GRIP1: variants seen among roughly 807,000 people sequenced by gnomAD.
GRIP1 encodes glutamate receptor interacting protein 1, also known as glutamate receptor-interacting protein 1.
GRIP1 carries 45 observed loss-of-function variants against 129.9 expected under a neutral mutation model. The observed-to-expected ratio is 0.35, with a 90% CI of 0.27 to 0.44. The LOEUF (loss-of-function observed/expected upper bound fraction) is 0.44. GRIP1 is among the 20% of genes least tolerant of loss of function. The pLI, the probability that GRIP1 is intolerant of heterozygous loss-of-function variation, is 1.00. For synonymous variants in GRIP1, 530 were observed against 520.8 expected, an observed-to-expected ratio of 1.02 and a Z score of -0.24; for missense variants, 1,196 against 1,396.8, an observed-to-expected ratio of 0.86 and a Z score of 2.29.
At chr12:66,787,497 G>A (rs959025996) in intron 1 of GRIP1, among the ~76,000 whole-genome samples, 2 of 152,148 alleles carry the variant, frequency 1.3e-5, no homozygotes, top group African/African-American at 4.8e-5. Context: ...TTCATATGCT[G>A]AAATCCTAAA....
In GRIP1 at chr12:67,052,507, C is replaced by A. The variant is rs1241159209; in HGVS notation, c.58+16543G>T. 1.6e-4 allele frequency among the ~76,000 whole-genome samples: 25 copies of A among 152,238 alleles called. 1 individual carries two copies. Among genetic ancestry groups the A allele is most frequent in the Non-Finnish European group, 3.7e-4 (25 of 68,022 alleles). ...GGGCGCAGTGACTCATGCCTGTAAT[C>A]CCAGCATTTTGGGAGGCCGAGGCAG... On this transcript the variant is annotated intron_variant, in intron 1 of 1. Transcript: ENST00000643019.
In GRIP1 at chr12:66,864,132, G is replaced by A. The variant is rs188433211; in HGVS notation, c.58+204918C>T. 3.9e-5 allele frequency among the ~76,000 whole-genome samples: 6 copies of A among 152,072 alleles called. No individual in the cohort carries two copies. In the East Asian group the frequency reaches 7.8e-4, roughly 20 times the overall value. On this transcript the variant is annotated intron_variant, in intron 1 of 1. Coordinates refer to the GRIP1 transcript ENST00000643019. ...TAAGCACTTCACATGTGTGGATCCC[G>A]AGTGGATCTCATGGCTTCTCTTCCA...
chr12:66,996,407 G>GGTTC (rs1404745929), intron 1 of GRIP1, among the ~76,000 whole-genome samples: 2 of 151,802 alleles, frequency 1.3e-5, no homozygotes, highest in Non-Finnish European at 2.9e-5. Context: ...TGCACAAAGA[G>GGTTC]GTTCTAGAGG....
At chr12:66,766,811 C>T (rs1444825952) in intron 1 of GRIP1, among the ~76,000 whole-genome samples, 2 of 152,204 alleles carry the variant, frequency 1.3e-5, no homozygotes, top group African/African-American at 4.8e-5. Flanking sequence ...TTCCAACCTG[C>T]TCTTCCTAGT....
At chr12:66,518,435 A>G (rs1316072062) in intron 5 of GRIP1, among the ~76,000 whole-genome samples, 1 of 152,088 alleles carries the variant, frequency 6.6e-6, no homozygotes, top group East Asian at 1.9e-4. Flanking sequence ...AAAAAATTCA[A>G]GTGACCAAGT....
At chr12:66,460,088 T>C (rs2059090178) in intron 9 of GRIP1, among the ~76,000 whole-genome samples, 1 of 152,184 alleles carries the variant, frequency 6.6e-6, no homozygotes, top group South Asian at 2.1e-4. Context: ...ATGAAGCAAC[T>C]GAGGTATAGA....
intron 1 of GRIP1, among the ~76,000 whole-genome samples, chr12:66,643,110 G>A (rs2032074101): frequency 6.6e-6 from 1 of 152,132 alleles, no homozygotes. Flanking sequence ...AATATCCAGG[G>A]GCACTGAGAT....
chr12:66,557,479 G>A (rs2062375080), intron 2 of GRIP1, among the ~76,000 whole-genome samples: 1 of 152,064 alleles, frequency 6.6e-6, no homozygotes, highest in Non-Finnish European at 1.5e-5. Context: ...AACCTAATTG[G>A]TATCTACGGA....
chr12:66,545,396 A>G (rs1336155663), intron 2 of GRIP1, among the ~76,000 whole-genome samples: 3 of 152,358 alleles, frequency 2.0e-5, no homozygotes, highest in African/African-American at 4.8e-5. Flanking sequence ...AAGAATATTT[A>G]AAAACACAGA....
rs549468154 is a variant in GRIP1, at chr12:66,880,314, T to C, written c.58+188736A>G. ...GAGTTGGGGGGATGGGTGAAAACTTTAGGATAATGTCAAATACAGCCATGT... is the reference window on the plus strand; with the variant it reads ...GAGTTGGGGGGATGGGTGAAAACTTCAGGATAATGTCAAATACAGCCATGT... On this transcript the variant is annotated intron_variant, in intron 1 of 1. Transcript: ENST00000643019. 2.0e-5 allele frequency among the ~76,000 whole-genome samples: 3 copies of C among 152,178 alleles called. No homozygotes were observed. The South Asian group carries it at 6.2e-4, about 32-fold the overall frequency.
chr12:66,607,009 GAGAGAAAGA>G (rs1275998028), intron 1 of GRIP1, among the ~76,000 whole-genome samples: 2 of 139,806 alleles, frequency 1.4e-5, no homozygotes, highest in African/African-American at 6.0e-5. Flanking sequence ...GAGAGAGAGA[GAGAGAAAGA>G]GAGAGAGTGT....
At chr12:66,969,924 C>G (rs1235048536) in intron 1 of GRIP1, among the ~76,000 whole-genome samples, 1 of 152,114 alleles carries the variant, frequency 6.6e-6, no homozygotes, top group Non-Finnish European at 1.5e-5. Context: ...TTACATCACC[C>G]CTCTGTTCTT....
chr12:66,881,392 T>C (rs2040476136), intron 1 of GRIP1, among the ~76,000 whole-genome samples: 1 of 152,216 alleles, frequency 6.6e-6, no homozygotes, highest in Non-Finnish European at 1.5e-5. Context: ...TCTAATGATC[T>C]GAATGCAAAT....
rs892110119 is a variant in GRIP1 at position 66,855,537 on chromosome 12, G to T, written c.58+213513C>A. ...ATCCTTTCTCTTTATGCTTTAGAAAGATAAAAACAATAATTTAGAGTGTAT... is the reference window on the plus strand; with the variant it reads ...ATCCTTTCTCTTTATGCTTTAGAAATATAAAAACAATAATTTAGAGTGTAT... On this transcript the variant is annotated intron_variant, in intron 1 of 1. Transcript: ENST00000643019. Among the ~76,000 whole-genome samples the T allele has an allele frequency of 1.9e-4, 29 of 151,908 alleles. 1 individual carries two copies. The highest frequency in any genetic ancestry group is 6.8e-4 in the African/African-American group (28 of 41,400).
chr12:66,951,525 C>T (rs539476111), intron 1 of GRIP1, among the ~76,000 whole-genome samples: 19 of 152,150 alleles, frequency 1.2e-4, no homozygotes, highest in Non-Finnish European at 2.4e-4. Context: ...CGTACAGGAA[C>T]GTGTGGCCTT....
Position 66,349,060 on chromosome 12 carries a change from C to T in GRIP1, c.3346G>A (p.Gly1116Ser), listed in dbSNP as rs200611680. 7.2e-5 allele frequency: 117 copies of T among 1,614,034 alleles called. No individual in the cohort carries two copies. The African/African-American group carries it at 8.7e-4, about 12-fold the overall frequency. The change falls in exon 25 of 25, where the codon GGT becomes AGT. Residue 1116 changes from glycine (G) to serine (S), a missense_variant. Gly to Ser is a moderately conservative substitution (Grantham distance 56). Around this residue, in one of 5 missense-constraint regions of GRIP1, gnomAD observed 427 missense variants for 463.3 expected, o/e 0.92. Coordinates refer to ENST00000359742, the MANE Select transcript of GRIP1 (RefSeq NM_001366722.1). ...GGTTCTCGTGTCTCCAAATTACCAC[C>T]GTGGCTAGGCTGCTGGAAAAAAGCA... ...NSAFFQQPSH[G>S]GNLETREPTN...
At chr12:66,978,371 G>C (rs2135586141) in intron 1 of GRIP1, among the ~76,000 whole-genome samples, 1 of 152,316 alleles carries the variant, frequency 6.6e-6, no homozygotes, top group Non-Finnish European at 1.5e-5. Context: ...TCAACTGTAA[G>C]TGGTCTGAAT....
At chr12:66,641,597 G>T (rs1258937909) in intron 1 of GRIP1, among the ~76,000 whole-genome samples, 5 of 152,214 alleles carry the variant, frequency 3.3e-5, no homozygotes, top group African/African-American at 9.6e-5. Flanking sequence ...GCAACTGGAT[G>T]AATTTAGTGC....
chr12:66,699,962 C>T (rs1245679060), intron 1 of GRIP1, among the ~76,000 whole-genome samples: 1 of 152,140 alleles, frequency 6.6e-6, no homozygotes, highest in African/African-American at 2.4e-5. Flanking sequence ...CATTAGATAC[C>T]TGAGTCCACC....
Sources: allele counts gnomAD v4.1 joint callset (sites outside exome capture counted in the v4.1 genomes callset), GRCh38; gene constraint gnomAD v4.1.1; regional missense constraint gnomAD v4.1.1; transcripts MANE v1.5; gene names NCBI Gene and HGNC (gene_info 2026-07-23, HGNC 2026-07-21).